RALGAPB: variants seen among roughly 807,000 people sequenced by gnomAD.
RALGAPB encodes the protein Ral GTPase activating protein non-catalytic subunit beta.
A neutral mutation model predicts 161.1 loss-of-function variants in RALGAPB; 25 were observed. That is an observed-to-expected ratio of 0.16 (90% CI 0.11 to 0.22). The LOEUF (loss-of-function observed/expected upper bound fraction) is 0.22, where lower values mean the gene tolerates loss of function less well. Ranked by LOEUF, RALGAPB falls within the 10% of genes least tolerant of loss-of-function variation. The pLI is 1.00. For synonymous variants in RALGAPB, 629 were observed against 626.1 expected, an observed-to-expected ratio of 1.00 and a Z score of -0.07; for missense variants, 1,391 against 1,815.2, an observed-to-expected ratio of 0.77 and a Z score of 4.25.
chr20:38,565,386 C>G lies in RALGAPB; in HGVS notation c.3725C>G (p.Ala1242Gly). The change falls in exon 25 of 30, where the codon GCT becomes GGT. Residue 1242 changes from alanine (A) to glycine (G), a missense_variant. By Grantham distance (60) the Ala-to-Gly change is moderately conservative. Transcript: ENST00000262879. ...GTGATTTCCTCTGAAGATATTGGAG[C>G]TAGCATTTTCAATGGACAGAAGAAG... Reference protein sequence around the residue: ...QEVISSEDIGASIFNGQKKVL... With the variant: ...QEVISSEDIGGSIFNGQKKVL... 1 of 1,613,518 alleles carries G rather than the reference C, an allele frequency of 6.2e-7. No individual in the cohort carries two copies. The highest frequency in any genetic ancestry group is 8.5e-7 in the Non-Finnish European group (1 of 1,179,618).
At chr20:38,486,038 C>G (rs572760304) in intron 1 of RALGAPB, among the ~76,000 whole-genome samples, 2 of 131,280 alleles carry the variant, frequency 1.5e-5, no homozygotes, top group African/African-American at 5.8e-5. Flanking sequence ...GGCACCATCT[C>G]TGCTCACTGC....
At chr20:38,560,187 T>C (rs1295431650) in intron 23 of RALGAPB, among the ~76,000 whole-genome samples, 1 of 152,092 alleles carries the variant, frequency 6.6e-6, no homozygotes. Flanking sequence ...GAACAAAATC[T>C]ACAAGATTTC....
chr20:38,522,811 A>G (rs2086330450), intron 10 of RALGAPB, among the ~76,000 whole-genome samples: 1 of 152,204 alleles, frequency 6.6e-6, no homozygotes, highest in Non-Finnish European at 1.5e-5. Context: ...AGTTGTGAGA[A>G]GCTAGTGATA....
chr20:38,570,298 C>G (rs749469428), intron 27 of RALGAPB, among the ~76,000 whole-genome samples: 1 of 152,178 alleles, frequency 6.6e-6, no homozygotes, highest in African/African-American at 2.4e-5. Context: ...TCTCAGTCAT[C>G]CCAGGACCTT....
chr20:38,474,246 C>T (rs557009255), intron 1 of RALGAPB, among the ~76,000 whole-genome samples: 22 of 152,276 alleles, frequency 1.4e-4, no homozygotes, highest in African/African-American at 5.3e-4. Context: ...CCCAAACGCA[C>T]ACACTTCTGC....
Position 38,517,604 on chromosome 20 carries a change from C to T in RALGAPB, c.1150C>T (p.Arg384Trp), listed in dbSNP as rs778247230. Residue 384 changes from arginine (R) to tryptophan (W), a missense_variant, in exon 8 of 30, where the codon CGG becomes TGG. By Grantham distance (101) the Arg-to-Trp change is moderately radical. Coordinates refer to ENST00000262879, the MANE Select transcript of RALGAPB (RefSeq NM_020336.4). Reference sequence around the variant, plus strand: ...TGTCAGTACCACCCCCCCACATAACCGGAGGCACCGGGCTGTTACTGTGAA... The same window carrying T: ...TGTCAGTACCACCCCCCCACATAACTGGAGGCACCGGGCTGTTACTGTGAA... ...AAVSTTPPHN[R>W]RHRAVTVNKA... is the part of the protein sequence containing the mutation. The T allele has an allele frequency of 2.5e-5, 41 of 1,613,806 alleles. No individual in the cohort carries two copies. Among genetic ancestry groups the T allele is most frequent in the Non-Finnish European group, 3.4e-5 (40 of 1,179,970 alleles).
At chr20:38,484,764 C>T (rs1053880373) in intron 1 of RALGAPB, among the ~76,000 whole-genome samples, 9 of 152,118 alleles carry the variant, frequency 5.9e-5, no homozygotes, top group African/African-American at 1.9e-4. Flanking sequence ...GGCGCGATCT[C>T]GGCTCACAGC....
At chr20:38,491,609 T>C (rs554263200) in intron 2 of RALGAPB, among the ~76,000 whole-genome samples, 1 of 152,378 alleles carries the variant, frequency 6.6e-6, no homozygotes, top group Admixed American at 6.5e-5. Context: ...TTAAAATTTC[T>C]AGTTGGAAGA....
chr20:38,495,039 A>T (rs2085383051), intron 3 of RALGAPB, among the ~76,000 whole-genome samples: 1 of 152,204 alleles, frequency 6.6e-6, no homozygotes, highest in Non-Finnish European at 1.5e-5. Flanking sequence ...TGAGAATTAG[A>T]GTTCTCTTCC....
At chr20:38,473,903 T>G (rs1313646548) in intron 1 of RALGAPB, among the ~76,000 whole-genome samples, 1 of 152,204 alleles carries the variant, frequency 6.6e-6, no homozygotes, top group Admixed American at 6.5e-5. Flanking sequence ...GCATGTAATT[T>G]GATAATTCTG....
Position 38,574,150 on chromosome 20 carries a change from A to T in RALGAPB, c.4143A>T (p.Arg1381Ser). The change falls in exon 29 of 30, where the codon AGA becomes AGT. Residue 1381 changes from arginine to serine, a missense_variant and splice_region_variant. Around this residue, in one of 3 missense-constraint regions of RALGAPB, gnomAD observed 436 missense variants for 527.0 expected, o/e 0.83. Coordinates refer to ENST00000262879, the MANE Select transcript of RALGAPB (RefSeq NM_020336.4). ...ETTANSSTSLRSTTLEKEVPV... is the reference protein window; with the variant it reads ...ETTANSSTSLSSTTLEKEVPV... ...GAGATAACAATTTTCTTTTCTTAAG[A>T]TCTACAACTCTTGAAAAAGAAGTTC... 6.2e-7 allele frequency: 1 copy of T among 1,605,484 alleles called. No individual in the cohort carries two copies. Among genetic ancestry groups the T allele is most frequent in the Non-Finnish European group, 8.5e-7 (1 of 1,177,016 alleles).
At chr20:38,512,059 A>G (rs1042835965) in intron 6 of RALGAPB, among the ~76,000 whole-genome samples, 1 of 152,152 alleles carries the variant, frequency 6.6e-6, no homozygotes, top group Admixed American at 6.5e-5. Flanking sequence ...AATGTTTTAC[A>G]GTTTTCTTCA....
chr20:38,558,779 G>A (rs528595901), intron 23 of RALGAPB, among the ~76,000 whole-genome samples: 29 of 152,280 alleles, frequency 1.9e-4, no homozygotes, highest in South Asian at 1.4e-3. Flanking sequence ...TGTTAGATTA[G>A]CTAATGAACT....
intron 1 of RALGAPB, among the ~76,000 whole-genome samples, chr20:38,475,878 A>G (rs1334972778): frequency 6.6e-6 from 1 of 152,148 alleles, no homozygotes; most frequent in Non-Finnish European, 1.5e-5. Context: ...AGTCCTCCCA[A>G]AGTGCTGGGA....
chr20:38,546,452 C>A, intron 19 of RALGAPB, 22 bp downstream of exon 19: 5 of 1,613,408 alleles, frequency 3.1e-6, no homozygotes, highest in Non-Finnish European at 4.2e-6. Context: ...GTACTTTGAG[C>A]CTTCTCTACT....
intron 24 of RALGAPB, among the ~76,000 whole-genome samples, chr20:38,563,866 TC>T: frequency 6.6e-6 from 1 of 152,294 alleles, no homozygotes; most frequent in South Asian, 2.1e-4. Flanking sequence ...TTTGGCTTTG[TC>T]CCCAGCCTGG....
intron 5 of RALGAPB, among the ~76,000 whole-genome samples, chr20:38,500,715 C>G (rs916978452): frequency 1.3e-5 from 2 of 152,074 alleles, no homozygotes; most frequent in Non-Finnish European, 2.9e-5. Flanking sequence ...GCCTCTTGCA[C>G]CAAATGGTTA....
chr20:38,503,298 A>G (rs909797373), intron 5 of RALGAPB, among the ~76,000 whole-genome samples: 1 of 152,186 alleles, frequency 6.6e-6, no homozygotes. Context: ...TTTCAACTGT[A>G]TGAGGGGCCA....
intron 15 of RALGAPB, among the ~76,000 whole-genome samples, chr20:38,534,157 CAG>C (rs1172405304): frequency 2.1e-5 from 3 of 141,410 alleles, no homozygotes; most frequent in Non-Finnish European, 4.7e-5. Flanking sequence ...AAAAAAAAAA[CAG>C]AAAACAAAAA....
Sources: gnomAD v4.1 joint callset for allele counts (sites outside exome capture counted in the v4.1 genomes callset) on GRCh38, gnomAD v4.1.1 for gene constraint, gnomAD v4.1.1 regional missense constraint, MANE v1.5 for transcripts, NCBI Gene and HGNC (gene_info 2026-07-23, HGNC 2026-07-21) for gene names.